Variants in RCC1L observed in about 807,000 individuals in gnomAD.
RCC1L encodes RCC1-like G exchanging factor-like protein.
A neutral mutation model predicts 58.6 loss-of-function variants in RCC1L; 46 were observed. The observed-to-expected ratio is 0.79, with a 90% CI of 0.62 to 1.00. The LOEUF is 1.00. RCC1L is among the 50% of genes least tolerant of loss of function. RCC1L has a pLI of 0.00. For missense variants in RCC1L, 636 were observed against 623.6 expected (o/e 1.02, Z -0.21); for synonymous variants, 281 against 262.9 (o/e 1.07, Z -0.67).
At chr7:75,059,066 G>A (rs1280218203) in intron 6 of RCC1L, among the ~76,000 whole-genome samples, 2 of 150,230 alleles carry the variant, frequency 1.3e-5, no homozygotes, top group Non-Finnish European at 3.0e-5. Flanking sequence ...AATGGTACAT[G>A]CCTGTAATCT....
chr7:75,044,656 C>A (rs587647277), intron 10 of RCC1L, among the ~76,000 whole-genome samples: 6,288 of 150,738 alleles, frequency 0.042, 163 homozygotes, highest in Non-Finnish European at 0.063. Flanking sequence ...ACCAGCTGCC[C>A]CAGTCCCCAT....
downstream of RCC1L, chr7:75,042,121 G>T: frequency 1.1e-6 from 1 of 940,440 alleles, no homozygotes; most frequent in Non-Finnish European, 1.3e-6. Context: ...GTATCAAAAG[G>T]CTTGTTTATA....
At chr7:75,072,751 G>C (rs1485852134) in intron 1 of RCC1L, among the ~76,000 whole-genome samples, 1 of 152,110 alleles carries the variant, frequency 6.6e-6, no homozygotes, top group East Asian at 1.9e-4. Flanking sequence ...AGGCCAAGGC[G>C]GGCGGATCGC....
At position 75,042,734 on chromosome 7, in the gene RCC1L, G is replaced by C; in HGVS notation, c.*298C>G. ...CTAAGACGGGCTTCTCAGGCGAGAC[G>C]TGACACCAGACACCGTCGCATGTTA... On this transcript the variant is annotated 3_prime_UTR_variant, in exon 11 of 11. Coordinates refer to ENST00000610322, the MANE Select transcript of RCC1L (RefSeq NM_030798.5). The C allele has an allele frequency of 7.5e-7, 1 of 1,333,828 alleles. No individual in the cohort carries two copies. Among genetic ancestry groups the C allele is most frequent in the East Asian group, 3.2e-5 (1 of 30,818 alleles). The allele number at this position is 1,333,828 out of a possible 1,614,324, so 82.6% of individuals were successfully genotyped here.
rs1806120435 is a variant in RCC1L, at chr7:75,057,560, T to C, written c.1026A>G (p.Ala342=). 1.2e-6 allele frequency: 2 copies of C among 1,613,940 alleles called. No homozygotes were observed. Among genetic ancestry groups the C allele is most frequent in the Non-Finnish European group, 1.7e-6 (2 of 1,179,854 alleles). ...ACACTGCACAGCCCGTGCCACCGCATGCAGCCTGTCGCACCTTCCCCACTC... is the reference window on the plus strand; with the variant it reads ...ACACTGCACAGCCCGTGCCACCGCACGCAGCCTGTCGCACCTTCCCCACTC... The part of the protein sequence containing the change: ...FSGVGKVRQA[A]CGGTGCAVLN... Residue 342 remains alanine (A), a synonymous_variant, in exon 8 of 11, where the codon GCA becomes GCG. Coordinates refer to ENST00000610322, the MANE Select transcript of RCC1L (RefSeq NM_030798.5).
intron 9 of RCC1L, among the ~76,000 whole-genome samples, chr7:75,053,393 C>T (rs938303149): frequency 1.3e-5 from 2 of 152,098 alleles, no homozygotes; most frequent in East Asian, 3.9e-4. Flanking sequence ...CAAATCCTGG[C>T]GACACCCTGG....
chr7:75,059,934 T>G (rs1256113303), intron 6 of RCC1L, among the ~76,000 whole-genome samples: 1 of 152,070 alleles, frequency 6.6e-6, no homozygotes, highest in Non-Finnish European at 1.5e-5. Context: ...CCAATTTTTT[T>G]TGTATTTTTT....
At chr7:75,055,548 TC>T (rs1806047813) in intron 9 of RCC1L, 1 of 352,778 alleles carries the variant, frequency 2.8e-6, no homozygotes, top group Admixed American at 4.0e-5. Flanking sequence ...CACATTCACT[TC>T]CTAATCACCC....
downstream of RCC1L, among the ~76,000 whole-genome samples, chr7:75,041,638 C>T (rs1389605924): frequency 6.6e-6 from 1 of 151,894 alleles, no homozygotes; most frequent in South Asian, 2.1e-4. Flanking sequence ...GCAGGCAGAT[C>T]GTCTGAGGTC....
In RCC1L at chr7:75,055,933, C is replaced by T. The variant is rs144750147; in HGVS notation, c.1199G>A (p.Arg400Gln). 34 of 1,613,852 alleles carry T rather than the reference C, an allele frequency of 2.1e-5. No homozygotes were observed. The highest frequency in any genetic ancestry group is 3.3e-5 in the South Asian group (3 of 91,082). The change falls in exon 9 of 11, where the codon CGA (arginine) becomes CAA (glutamine). Residue 400 changes from arginine to glutamine, a missense_variant. Physicochemically the swap from Arg to Gln is conservative, Grantham distance 43. Transcript: ENST00000610322. ...FNPEIQVSRI[R>Q]CGLSHFAALT... Reference sequence around the variant, plus strand: ...TGCAGCAAAGTGGCTGAGTCCACATCGGATGCGGGAAACCTGGATTTCTGG... The same window carrying T: ...TGCAGCAAAGTGGCTGAGTCCACATTGGATGCGGGAAACCTGGATTTCTGG...
intron 10 of RCC1L, among the ~76,000 whole-genome samples, chr7:75,033,221 T>C (rs928467541): frequency 2.6e-5 from 4 of 151,990 alleles, no homozygotes; most frequent in African/African-American, 9.7e-5. Context: ...TCCCGGAGCA[T>C]TACAAGGGAT....
chr7:75,071,096 T>A (rs139271682), intron 1 of RCC1L, among the ~76,000 whole-genome samples: 6 of 152,216 alleles, frequency 3.9e-5, no homozygotes, highest in Middle Eastern at 3.4e-3. Flanking sequence ...CCTCAAGTGA[T>A]CTGTCCGCCT....
chr7:75,047,178 A>G (rs1162967204), intron 10 of RCC1L, among the ~76,000 whole-genome samples: 1 of 152,018 alleles, frequency 6.6e-6, no homozygotes, highest in Non-Finnish European at 1.5e-5. Flanking sequence ...AGCTGGTCCC[A>G]AACTCCTGAC....
chr7:75,049,791 A>T (rs1227906553), intron 10 of RCC1L, among the ~76,000 whole-genome samples: 3 of 152,182 alleles, frequency 2.0e-5, no homozygotes, highest in Non-Finnish European at 4.4e-5. Context: ...AGATAGGAGG[A>T]TCACTTGAAC....
At chr7:75,033,087 A>G (rs1299304872) in intron 10 of RCC1L, among the ~76,000 whole-genome samples, 2 of 151,034 alleles carry the variant, frequency 1.3e-5, no homozygotes, top group Non-Finnish European at 3.0e-5. Context: ...AAAAAAAAAA[A>G]AAAAAAAGAT....
At chr7:75,043,950 G>A (rs1459780352) in intron 10 of RCC1L, among the ~76,000 whole-genome samples, 2 of 152,100 alleles carry the variant, frequency 1.3e-5, no homozygotes, top group Admixed American at 6.6e-5. Flanking sequence ...CCCAAGTCAC[G>A]ACCACCAAGC....
In RCC1L at chr7:75,063,271, C is replaced by T. The variant is rs1554444669; in HGVS notation, c.702+21G>A. 6 of 1,613,822 alleles carry T rather than the reference C, an allele frequency of 3.7e-6. No individual in the cohort carries two copies. In the African/African-American group the frequency reaches 8.0e-5, roughly 22 times the overall value. ...AGCACCCCAGGAACACAACAAGCAGCTCTCGGCCCATCTCTCTTACCTGGA... is the reference window on the plus strand; with the variant it reads ...AGCACCCCAGGAACACAACAAGCAGTTCTCGGCCCATCTCTCTTACCTGGA... On this transcript the variant is annotated intron_variant, in intron 5 of 10. Coordinates refer to ENST00000610322, the MANE Select transcript of RCC1L (RefSeq NM_030798.5).
intron 10 of RCC1L, among the ~76,000 whole-genome samples, chr7:75,050,110 C>CT (rs1805859101): frequency 6.6e-6 from 1 of 151,928 alleles, no homozygotes. Flanking sequence ...CCCAAAGGCA[C>CT]AAATGTGTTT....
chr7:75,063,285 C>G lies in RCC1L; in HGVS notation c.702+7G>C. On this transcript the variant is annotated splice_region_variant and intron_variant, in intron 5 of 10. Transcript: ENST00000610322. ...ACAACAAGCAGCTCTCGGCCCATCT[C>G]TCTTACCTGGACCACCTGGCCATCG... 1 of 1,613,884 alleles carries G rather than the reference C, an allele frequency of 6.2e-7. No homozygotes were observed. The highest frequency in any genetic ancestry group is 8.5e-7 in the Non-Finnish European group (1 of 1,179,860).
Sources: gnomAD v4.1 joint callset for allele counts (sites outside exome capture counted in the v4.1 genomes callset) on GRCh38, gnomAD v4.1.1 for gene constraint, MANE v1.5 for transcripts, NCBI Gene and HGNC (gene_info 2026-07-23, HGNC 2026-07-21) for gene names.